Variants in ASTN1 observed in about 807,000 individuals in gnomAD.
The protein encoded by ASTN1 is astrotactin 1.
Under a neutral mutation model 140.7 loss-of-function variants are expected in ASTN1, and 41 were observed. That is an observed-to-expected ratio of 0.29 (90% CI 0.23 to 0.38). ASTN1 has a LOEUF of 0.38. Ranked by LOEUF, ASTN1 falls within the 10% of genes least tolerant of loss-of-function variation. ASTN1 has a pLI of 1.00. For missense variants in ASTN1, 1,479 were observed against 1,678.8 expected (o/e 0.88, Z 2.08); for synonymous variants, 640 against 652.2 (o/e 0.98, Z 0.29).
intron 16 of ASTN1, among the ~76,000 whole-genome samples, chr1:176,912,928 C>A (rs1368627013): frequency 1.3e-5 from 2 of 152,078 alleles, no homozygotes; most frequent in Non-Finnish European, 2.9e-5. Flanking sequence ...ATATAATATT[C>A]CCCCATATTT....
chr1:176,876,452 C>T, intron 21 of ASTN1, 85 bp downstream of exon 21: 4 of 1,416,792 alleles, frequency 2.8e-6, no homozygotes, highest in Non-Finnish European at 4.0e-6. Context: ...TTCTATTCAA[C>T]TCTCTTGGTC....
At chr1:176,879,215 G>A (rs1668688397) in intron 20 of ASTN1, among the ~76,000 whole-genome samples, 1 of 152,164 alleles carries the variant, frequency 6.6e-6, no homozygotes, top group African/African-American at 2.4e-5. Context: ...CGTAAGTCTA[G>A]GCCCCTGTTC....
At chr1:176,940,963 C>G (rs1671689964) in intron 14 of ASTN1, among the ~76,000 whole-genome samples, 1 of 152,154 alleles carries the variant, frequency 6.6e-6, no homozygotes, top group Admixed American at 6.5e-5. Flanking sequence ...AGACTCTTTC[C>G]AAACATCTTT....
intron 1 of ASTN1, among the ~76,000 whole-genome samples, chr1:177,098,575 C>T (rs1680153216): frequency 6.6e-6 from 1 of 151,812 alleles, no homozygotes. Flanking sequence ...TGGTGGTCAA[C>T]ACAACAAATG....
chr1:177,129,157 A>C (rs186239243), intron 1 of ASTN1, among the ~76,000 whole-genome samples: 271 of 152,334 alleles, frequency 1.8e-3, no homozygotes, highest in African/African-American at 6.1e-3. Flanking sequence ...ACAACAGACG[A>C]ATACACTCCA....
In ASTN1 at chr1:176,958,381, G is replaced by A. The variant is rs201600955; in HGVS notation, c.1700C>T (p.Thr567Met). The A allele has an allele frequency of 6.2e-6, 10 of 1,614,090 alleles. No homozygotes were observed. The highest frequency in any genetic ancestry group is 3.3e-5 in the Admixed American group (2 of 60,010). The part of the protein sequence containing the change: ...LAINPSAKCK[T>M]DMTVMEDAVE... The stretch of plus-strand genomic sequence containing the variant: ...AGCATCCTCCATCACAGTCATGTCC[G>A]TCTTGCACTTTGCTGATGGATTGAT... The change falls in exon 10 of 23, where the codon ACG becomes ATG. Residue 567 changes from threonine (T) to methionine (M), a missense_variant. Thr to Met is a moderately conservative substitution (Grantham distance 81). Transcript: ENST00000361833.
At chr1:177,126,187 T>C (rs1028765057) in intron 1 of ASTN1, among the ~76,000 whole-genome samples, 11 of 152,130 alleles carry the variant, frequency 7.2e-5, no homozygotes, top group African/African-American at 2.4e-4. Context: ...TCCTATCAGA[T>C]ATATCTTAGG....
chr1:177,104,900 C>A (rs1680479782), intron 1 of ASTN1, among the ~76,000 whole-genome samples: 1 of 152,206 alleles, frequency 6.6e-6, no homozygotes, highest in Non-Finnish European at 1.5e-5. Context: ...CTGGGCCTTA[C>A]TGTTATCCTT....
In ASTN1 at chr1:176,864,217, G is replaced by A; in HGVS notation, c.*67C>T. On this transcript the variant is annotated 3_prime_UTR_variant, in exon 23 of 23. Coordinates refer to ENST00000361833, the MANE Select transcript of ASTN1 (RefSeq NM_004319.3). ...CATTAAAAAATATTAAAAATCCACA[G>A]ACCAACCCAGATGGATCCCTCCTCT... is the stretch of plus-strand genomic sequence containing the variant. 3.8e-6 allele frequency: 6 copies of A among 1,562,646 alleles called. No individual in the cohort carries two copies. The highest frequency in any genetic ancestry group is 5.2e-6 in the Non-Finnish European group (6 of 1,156,892).
At chr1:177,078,513 A>G (rs973543935) in intron 1 of ASTN1, among the ~76,000 whole-genome samples, 1 of 152,214 alleles carries the variant, frequency 6.6e-6, no homozygotes, top group African/African-American at 2.4e-5. Context: ...ATCCTCTGTC[A>G]CATATTATAG....
chr1:176,936,033 T>C (rs999189434), intron 15 of ASTN1: 3 of 588,876 alleles, frequency 5.1e-6, no homozygotes, highest in Non-Finnish European at 6.2e-6. Flanking sequence ...AGTCTTGCCC[T>C]TTCCCTCTCT....
At chr1:176,976,351 G>C (rs947007978) in intron 8 of ASTN1, 5 of 152,134 alleles carry the variant, frequency 3.3e-5, no homozygotes, top group African/African-American at 1.2e-4. Context: ...TCAGATGGCT[G>C]GTGAGACTCA....
At chr1:177,070,353 C>T (rs1678575912) in intron 1 of ASTN1, among the ~76,000 whole-genome samples, 1 of 152,184 alleles carries the variant, frequency 6.6e-6, no homozygotes, top group Non-Finnish European at 1.5e-5. Flanking sequence ...TTAGTATTTG[C>T]TATAATTTTC....
intron 8 of ASTN1, among the ~76,000 whole-genome samples, chr1:176,988,328 A>AC (rs1553239106): frequency 6.6e-6 from 1 of 151,748 alleles, no homozygotes; most frequent in African/African-American, 2.4e-5. Context: ...AAAAAAAAAA[A>AC]AAAAACCTTT....
intron 16 of ASTN1, among the ~76,000 whole-genome samples, chr1:176,923,648 G>T (rs1044155284): frequency 6.6e-6 from 1 of 151,704 alleles, no homozygotes; most frequent in Non-Finnish European, 1.5e-5. Context: ...ATCTCCTACC[G>T]ATTTATAAAT....
intron 2 of ASTN1, among the ~76,000 whole-genome samples, chr1:177,046,572 T>C (rs922974215): frequency 6.6e-6 from 1 of 152,266 alleles, no homozygotes; most frequent in East Asian, 1.9e-4. Flanking sequence ...CATCCCACCC[T>C]TTATACCATG....
chr1:176,983,867 T>C (rs909993096), intron 8 of ASTN1, among the ~76,000 whole-genome samples: 2 of 152,216 alleles, frequency 1.3e-5, no homozygotes, highest in African/African-American at 4.8e-5. Context: ...GCCTCTGCAC[T>C]AACAAAAGAT....
At chr1:177,141,234 C>CA (rs774992356) in intron 1 of ASTN1, among the ~76,000 whole-genome samples, 19 of 151,474 alleles carry the variant, frequency 1.3e-4, no homozygotes, top group Non-Finnish European at 2.5e-4. Context: ...AACAAACAAA[C>CA]AAAAAAAACA....
chr1:177,161,348 T>C (rs1647353559), intron 1 of ASTN1, among the ~76,000 whole-genome samples: 1 of 152,230 alleles, frequency 6.6e-6, no homozygotes, highest in Non-Finnish European at 1.5e-5. Flanking sequence ...CACCACCAAA[T>C]GCCTTTGCTC....
Sources: allele counts gnomAD v4.1 joint callset (sites outside exome capture counted in the v4.1 genomes callset), GRCh38; gene constraint gnomAD v4.1.1; transcripts MANE v1.5; gene names NCBI Gene and HGNC (gene_info 2026-07-23, HGNC 2026-07-21).